ACSM2B: variants seen among roughly 807,000 people sequenced by gnomAD.
ACSM2B encodes acyl-coenzyme A synthetase ACSM2B, mitochondrial.
In ACSM2B, 58 loss-of-function variants were observed where a neutral mutation model predicts 78.6. The ratio of observed to expected loss-of-function variants is 0.74; its 90% CI spans 0.60 to 0.92. The LOEUF (loss-of-function observed/expected upper bound fraction) is 0.92, where lower values mean the gene tolerates loss of function less well. Among genes scored for constraint, ACSM2B ranks in the 40% least tolerant of loss-of-function variants. ACSM2B has a pLI of 0.00. For missense variants in ACSM2B, 688 were observed against 711.2 expected, an observed-to-expected ratio of 0.97 and a Z score of 0.37; for synonymous variants, 257 against 256.8, an observed-to-expected ratio of 1.00 and a Z score of -0.01.
chr16:20,546,943 T>A (rs2015161433), intron 8 of ACSM2B: 1 of 220,834 alleles, frequency 4.5e-6, no homozygotes, highest in Non-Finnish European at 7.7e-6. Context: ...GACTGAGGTA[T>A]CCATTTCCTC....
At chr16:20,548,909 T>C (rs531736774) in intron 6 of ACSM2B, among the ~76,000 whole-genome samples, 1 of 152,272 alleles carries the variant, frequency 6.6e-6, no homozygotes, top group African/African-American at 2.4e-5. Context: ...TTCCTGAAAA[T>C]ATTTTTGGGA....
chr16:20,538,987 C>T (rs889877292), intron 13 of ACSM2B, among the ~76,000 whole-genome samples: 2 of 152,084 alleles, frequency 1.3e-5, no homozygotes, highest in Admixed American at 1.3e-4. Context: ...CTGTCTTGTC[C>T]AAGGTCACAC....
intron 1 of ACSM2B, among the ~76,000 whole-genome samples, chr16:20,573,853 G>A (rs989129364): frequency 1.3e-5 from 2 of 151,940 alleles, no homozygotes; most frequent in Non-Finnish European, 2.9e-5. Context: ...GCTTCAAAGG[G>A]CAGTAAAGAT....
rs763841420 is a variant in ACSM2B, at chr16:20,540,786, T to A, written c.1510-13A>T. 1.2e-6 allele frequency: 2 copies of A among 1,613,094 alleles called. No homozygotes were observed. Among genetic ancestry groups the A allele is most frequent in the South Asian group, 2.2e-5 (2 of 91,054 alleles). The stretch of plus-strand genomic sequence containing the variant: ...ATGCCTTCACCACCTGCAAAATAGA[T>A]GAAGGCCAAGAGATAAGGGATTAGA... On this transcript the variant is annotated splice_polypyrimidine_tract_variant and intron_variant, in intron 12 of 13. Coordinates refer to ENST00000329697, the MANE Select transcript of ACSM2B (RefSeq NM_001105069.2).
intron 1 of ACSM2B, among the ~76,000 whole-genome samples, chr16:20,566,228 A>T (rs2015827865): frequency 8.0e-6 from 1 of 125,714 alleles, no homozygotes; most frequent in Non-Finnish European, 1.6e-5. Flanking sequence ...CTCCCATACC[A>T]TACTGCCTTC....
chr16:20,539,137 T>C (rs1567203558), intron 13 of ACSM2B, among the ~76,000 whole-genome samples: 1 of 148,846 alleles, frequency 6.7e-6, no homozygotes. Flanking sequence ...GGAGTTCCCA[T>C]TGAGACTAAG....
intron 1 of ACSM2B, among the ~76,000 whole-genome samples, chr16:20,567,267 A>G (rs866525124): frequency 2.4e-5 from 3 of 127,236 alleles, no homozygotes; most frequent in Non-Finnish European, 3.2e-5. Flanking sequence ...AATATATAGT[A>G]TAATATATAA....
intron 1 of ACSM2B, among the ~76,000 whole-genome samples, chr16:20,568,356 T>C (rs2015993842): frequency 1.4e-5 from 2 of 145,824 alleles, no homozygotes; most frequent in Admixed American, 1.4e-4. Flanking sequence ...TCATATATCA[T>C]ATATATCACA....
At chr16:20,567,092 A>T (rs2015919995) in intron 1 of ACSM2B, among the ~76,000 whole-genome samples, 1 of 135,424 alleles carries the variant, frequency 7.4e-6, no homozygotes, top group South Asian at 2.1e-4. Flanking sequence ...CTAGATATAT[A>T]TAATATCATA....
chr16:20,548,081 A>G lies in ACSM2B; in HGVS notation c.1079T>C (p.Phe360Ser), dbSNP rs202090220. Residue 360 changes from phenylalanine to serine, a missense_variant, in exon 8 of 14, where the codon TTC becomes TCC. Coordinates refer to ENST00000329697, the MANE Select transcript of ACSM2B (RefSeq NM_001105069.2). Reference sequence around the variant, plus strand: ...AGGTACCGTTTCTGTCTGGCCATAGAATTCTCGGATGTCCAGTCCTGTCTG... The same window carrying G: ...AGGTACCGTTTCTGTCTGGCCATAGGATTCTCGGATGTCCAGTCCTGTCTG... ...RAQTGLDIRE[F>S]YGQTETGLTC... is the part of the protein sequence containing the mutation. 198 of 1,613,802 alleles carry G rather than the reference A, an allele frequency of 1.2e-4. No homozygotes were observed. Among genetic ancestry groups the G allele is most frequent in the Middle Eastern group, 4.9e-4 (3 of 6,062 alleles).
Position 20,540,733 on chromosome 16 carries a change from G to A in ACSM2B, c.1550C>T (p.Ser517Phe), listed in dbSNP as rs1199272295. 1 of 1,613,976 alleles carries A rather than the reference G, an allele frequency of 6.2e-7. No homozygotes were observed. Among genetic ancestry groups the A allele is most frequent in the East Asian group, 2.2e-5 (1 of 44,890 alleles). Reference protein sequence around the residue: ...AFVILASQFLSHDPEQLTKEL... With the variant: ...AFVILASQFLFHDPEQLTKEL... ...CTTGGTGAGCTGTTCTGGGTCATGG[G>A]ATAGGAACTGCGAGGCCAGGATCAC... Residue 517 changes from serine to phenylalanine, a missense_variant, in exon 13 of 14, where the codon TCC becomes TTC. Coordinates refer to ENST00000329697, the MANE Select transcript of ACSM2B (RefSeq NM_001105069.2).
Sources: gnomAD v4.1 joint callset for allele counts (sites outside exome capture counted in the v4.1 genomes callset) on GRCh38, gnomAD v4.1.1 for gene constraint, MANE v1.5 for transcripts, NCBI Gene and HGNC (gene_info 2026-07-23, HGNC 2026-07-21) for gene names.